RAB10: variants seen among roughly 807,000 people sequenced by gnomAD.
RAB10 encodes RAB10, member RAS oncogene family.
A neutral mutation model predicts 25.7 loss-of-function variants in RAB10; 5 were observed. The ratio of observed to expected loss-of-function variants is 0.19; its 90% CI spans 0.10 to 0.41. The LOEUF (loss-of-function observed/expected upper bound fraction) is 0.41. Among genes scored for constraint, RAB10 ranks in the 10% least tolerant of loss-of-function variants. The pLI, the probability that RAB10 is intolerant of heterozygous loss-of-function variation, is 1.00. For missense variants in RAB10, 103 were observed against 245.8 expected (o/e 0.42, Z 3.89); for synonymous variants, 89 against 86.4 (o/e 1.03, Z -0.16).
intron 5 of RAB10, among the ~76,000 whole-genome samples, chr2:26,130,168 T>TGAAA (rs1386064079): frequency 6.6e-6 from 1 of 152,220 alleles, no homozygotes; most frequent in Non-Finnish European, 1.5e-5. Flanking sequence ...AGATTTTTTT[T>TGAAA]GAAAGAATAG....
At chr2:26,093,525 T>A (rs1455054263) in intron 1 of RAB10, among the ~76,000 whole-genome samples, 1 of 152,222 alleles carries the variant, frequency 6.6e-6, no homozygotes, top group Non-Finnish European at 1.5e-5. Context: ...GTATTTAGAT[T>A]GCTTAATTAA....
intron 1 of RAB10, among the ~76,000 whole-genome samples, chr2:26,039,561 C>G (rs1225395585): frequency 6.6e-6 from 1 of 151,986 alleles, no homozygotes; most frequent in East Asian, 1.9e-4. Flanking sequence ...GTTGGCCAGG[C>G]TGGTCAAGAA....
chr2:26,046,436 A>C (rs1666004708), intron 1 of RAB10, among the ~76,000 whole-genome samples: 1 of 152,206 alleles, frequency 6.6e-6, no homozygotes, highest in African/African-American at 2.4e-5. Flanking sequence ...TTTTATTTGA[A>C]GACAGTGCAG....
At chr2:26,082,562 C>T (rs1056994172) in intron 1 of RAB10, among the ~76,000 whole-genome samples, 1 of 152,012 alleles carries the variant, frequency 6.6e-6, no homozygotes, top group African/African-American at 2.4e-5. Flanking sequence ...TTTTAACAGT[C>T]CTCTCTTAGT....
At chr2:26,094,461 AG>A (rs1667169597) in intron 1 of RAB10, among the ~76,000 whole-genome samples, 1 of 151,998 alleles carries the variant, frequency 6.6e-6, no homozygotes, top group African/African-American at 2.4e-5. Flanking sequence ...CATGTTGGCT[AG>A]GCTGGTCTCA....
chr2:26,100,692 A>G lies in RAB10; in HGVS notation c.188+1970A>G, dbSNP rs554133033. Reference sequence around the variant, plus strand: ...TCATAACCCTGTGTTTTTTGGTAACATAATGAAGTTATTCCTTACCTTATA... The same window carrying G: ...TCATAACCCTGTGTTTTTTGGTAACGTAATGAAGTTATTCCTTACCTTATA... On this transcript the variant is annotated intron_variant, in intron 2 of 5. Transcript: ENST00000264710. Among the ~76,000 whole-genome samples the G allele has an allele frequency of 2.2e-4, 33 of 152,320 alleles. No homozygotes were observed. The East Asian group carries it at 5.6e-3, about 26-fold the overall frequency.
chr2:26,135,368 A>G lies in RAB10; in HGVS notation c.*347A>G, dbSNP rs1434387866. 1 of 177,882 alleles carries G rather than the reference A, an allele frequency of 5.6e-6. No homozygotes were observed. The highest frequency in any genetic ancestry group is 1.2e-5 in the Non-Finnish European group (1 of 85,074). The allele number at this position is 177,882 out of a possible 1,614,324, so 11.0% of individuals were successfully genotyped here. A position where few individuals can be genotyped will look rare whatever the true frequency, so the allele number is the denominator to read the frequency against. On this transcript the variant is annotated 3_prime_UTR_variant, in exon 6 of 6. Transcript: ENST00000264710. ...CTGCAAATTGTATAAGAATAAAGTT[A>G]GAATTAACAATTTTATTTTGTACAA... is the stretch of plus-strand genomic sequence containing the variant.
intron 2 of RAB10, among the ~76,000 whole-genome samples, chr2:26,103,029 A>C (rs750931241): frequency 1.3e-5 from 2 of 152,186 alleles, no homozygotes; most frequent in Non-Finnish European, 2.9e-5. Flanking sequence ...TTTTATGGAA[A>C]ATACTTCTTA....
chr2:26,120,445 CT>C (rs1667779863), intron 3 of RAB10, among the ~76,000 whole-genome samples: 2 of 152,194 alleles, frequency 1.3e-5, no homozygotes, highest in Admixed American at 1.3e-4. Flanking sequence ...ATGCCTCTTA[CT>C]TTTAGCACAT....
At chr2:26,111,436 C>T (rs1273289259) in intron 3 of RAB10, among the ~76,000 whole-genome samples, 2 of 152,034 alleles carry the variant, frequency 1.3e-5, no homozygotes, top group Non-Finnish European at 2.9e-5. Flanking sequence ...GAAACCCCGT[C>T]TCTACTAAAA....
chr2:26,130,021 C>T (rs763317965), intron 5 of RAB10, among the ~76,000 whole-genome samples: 1 of 152,078 alleles, frequency 6.6e-6, no homozygotes, highest in Non-Finnish European at 1.5e-5. Flanking sequence ...AGGGTAGATA[C>T]CAAAGTCTAA....
chr2:26,070,463 T>C (rs1666601199), intron 1 of RAB10, among the ~76,000 whole-genome samples: 1 of 152,226 alleles, frequency 6.6e-6, no homozygotes, highest in African/African-American at 2.4e-5. Context: ...AATTGAGTTT[T>C]GTTCGTTTCA....
chr2:26,066,639 A>G (rs1036880169), intron 1 of RAB10, among the ~76,000 whole-genome samples: 4 of 152,144 alleles, frequency 2.6e-5, no homozygotes, highest in Admixed American at 6.6e-5. Flanking sequence ...AGAACTCGCT[A>G]TCATGAGAAC....
chr2:26,083,319 C>G (rs1666907831), intron 1 of RAB10, among the ~76,000 whole-genome samples: 1 of 152,130 alleles, frequency 6.6e-6, no homozygotes, highest in East Asian at 1.9e-4. Context: ...GTGAATGTAA[C>G]AGGTTGCAGG....
intron 1 of RAB10, among the ~76,000 whole-genome samples, chr2:26,073,030 T>C (rs533440450): frequency 1.1e-4 from 17 of 152,214 alleles, no homozygotes; most frequent in Non-Finnish European, 2.5e-4. Flanking sequence ...CTTTCATTGC[T>C]TCTATGTAAT....
chr2:26,034,507 C>T lies in RAB10; in HGVS notation c.-102C>T. 1 of 1,507,844 alleles carries T rather than the reference C, an allele frequency of 6.6e-7. No individual in the cohort carries two copies. The highest frequency in any genetic ancestry group is 9.0e-7 in the Non-Finnish European group (1 of 1,112,740). The allele number at this position is 1,507,844 out of a possible 1,614,324, so 93.4% of individuals were successfully genotyped here. On this transcript the variant is annotated 5_prime_UTR_variant, in exon 1 of 6. Transcript: ENST00000264710. ...TCTCGAGCCTTTTTCCCACGCTTCC[C>T]CGGTCCTCCGGCCTGAGAACGCCCG...
chr2:26,089,101 C>A (rs1484228389), intron 1 of RAB10, among the ~76,000 whole-genome samples: 1 of 151,958 alleles, frequency 6.6e-6, no homozygotes, highest in Non-Finnish European at 1.5e-5. Flanking sequence ...TGGCTTGGGG[C>A]CATGCTCAGA....
intron 1 of RAB10, among the ~76,000 whole-genome samples, chr2:26,044,620 A>C (rs1256366419): frequency 1.3e-5 from 2 of 150,826 alleles, no homozygotes; most frequent in African/African-American, 4.9e-5. Context: ...ATCTTGGCAC[A>C]CTGCAACCTC....
At chr2:26,098,401 A>T in intron 1 of RAB10, 1 of 380,224 alleles carries the variant, frequency 2.6e-6, no homozygotes, top group South Asian at 2.9e-5. Flanking sequence ...GCCTCTCAAA[A>T]GTGCTGGGAT....
Sources: gnomAD v4.1 joint callset for allele counts (sites outside exome capture counted in the v4.1 genomes callset) on GRCh38, gnomAD v4.1.1 for gene constraint, MANE v1.5 for transcripts, NCBI Gene and HGNC (gene_info 2026-07-23, HGNC 2026-07-21) for gene names.